EPG5: variants seen among roughly 807,000 people sequenced by gnomAD.
EPG5 encodes ectopic P granules protein 5 homolog.
In EPG5, 159 loss-of-function variants were observed where a neutral mutation model predicts 302.7. The ratio of observed to expected loss-of-function variants is 0.53; its 90% CI spans 0.46 to 0.60. The LOEUF (loss-of-function observed/expected upper bound fraction) is 0.60. EPG5 is among the 20% of genes least tolerant of loss of function. EPG5 has a pLI of 0.00. For synonymous variants in EPG5, 1,158 were observed against 1,136.8 expected, an observed-to-expected ratio of 1.02 and a Z score of -0.37; for missense variants, 2,896 against 3,092.4, an observed-to-expected ratio of 0.94 and a Z score of 1.51.
chr18:45,899,476 C>G lies in EPG5; in HGVS notation c.4737G>C (p.Gln1579His). Residue 1579 changes from glutamine to histidine, a missense_variant, in exon 27 of 44, where the codon CAG (glutamine) becomes CAC (histidine). By Grantham distance (24) the Gln-to-His change is conservative (BLOSUM62 0). Transcript: ENST00000282041. ...MPKQYVNREEQTTLHLECRGS... is the reference protein window; with the variant it reads ...MPKQYVNREEHTTLHLECRGS... ...CTCTGCACTCCAAATGTAGTGTGGT[C>G]TGTTCTTCACGATTCACATACTGCT... is the stretch of plus-strand genomic sequence containing the variant. 1 of 1,614,208 alleles carries G rather than the reference C, an allele frequency of 6.2e-7. No individual in the cohort carries two copies. Among genetic ancestry groups the G allele is most frequent in the Non-Finnish European group, 8.5e-7 (1 of 1,180,054 alleles).
chr18:45,877,910 G>A (rs2049007659), intron 34 of EPG5, among the ~76,000 whole-genome samples: 1 of 152,132 alleles, frequency 6.6e-6, no homozygotes, highest in South Asian at 2.1e-4. Flanking sequence ...CACTGAATTT[G>A]GACAGCTCTA....
At chr18:45,835,832 G>C in the EPG5 span, among the ~76,000 whole-genome samples, 46 of 152,254 alleles carry the variant, frequency 3.0e-4, no homozygotes, top group Middle Eastern at 3.4e-3. Flanking sequence ...GGAGCCCCCA[G>C]GCTCAGGACA....
At chr18:45,893,408 T>TC (rs2049395043) in intron 27 of EPG5, among the ~76,000 whole-genome samples, 1 of 151,926 alleles carries the variant, frequency 6.6e-6, no homozygotes, top group Non-Finnish European at 1.5e-5. Flanking sequence ...CTACTAAAAA[T>TC]ACAAAAATTA....
At chr18:45,827,468 C>T in the EPG5 span, among the ~76,000 whole-genome samples, 1 of 152,216 alleles carries the variant, frequency 6.6e-6, no homozygotes, top group East Asian at 1.9e-4. Flanking sequence ...TTGGGTCCCA[C>T]TGAGACAGTG....
At chr18:45,838,039 A>G in the EPG5 span, 1 of 1,095,812 alleles carries the variant, frequency 9.1e-7, no homozygotes, top group African/African-American at 1.7e-5. Context: ...CAGGGATCTC[A>G]CACCTGGGGG....
At chr18:45,929,243 T>C (rs1302506826) in intron 12 of EPG5, among the ~76,000 whole-genome samples, 1 of 152,186 alleles carries the variant, frequency 6.6e-6, no homozygotes, top group African/African-American at 2.4e-5. Context: ...ACTTCAAGTG[T>C]GGATTCAAAA....
the EPG5 span, among the ~76,000 whole-genome samples, chr18:45,806,542 C>T: frequency 6.6e-6 from 1 of 152,284 alleles, no homozygotes; most frequent in African/African-American, 2.4e-5. Context: ...GGGAAAGGGA[C>T]ATTGTCTGCC....
At chr18:45,813,086 C>A in the EPG5 span, among the ~76,000 whole-genome samples, 1 of 151,752 alleles carries the variant, frequency 6.6e-6, no homozygotes, top group African/African-American at 2.4e-5. Context: ...AAAAACAACC[C>A]CATCAAAAAG....
At chr18:45,911,484 G>A (rs1453313328) in intron 22 of EPG5, among the ~76,000 whole-genome samples, 1 of 151,924 alleles carries the variant, frequency 6.6e-6, no homozygotes, top group African/African-American at 2.4e-5. Context: ...AGTAGAGACG[G>A]GGTTTCACCA....
At chr18:45,960,584 AAG>A (rs1384087552) in intron 1 of EPG5, among the ~76,000 whole-genome samples, 8 of 152,316 alleles carry the variant, frequency 5.3e-5, no homozygotes, top group Non-Finnish European at 1.2e-4. Flanking sequence ...ATTTTACAAA[AAG>A]AGTTGATAAA....
At chr18:45,927,593 T>TACACACACACAC (rs67488772) in intron 13 of EPG5, among the ~76,000 whole-genome samples, 47 of 133,502 alleles carry the variant, frequency 3.5e-4, no homozygotes, top group Admixed American at 1.2e-3. Flanking sequence ...CAAAAAGTTA[T>TACACACACACAC]ACACACACAC....
In EPG5 at chr18:45,954,399, C is replaced by A; in HGVS notation, c.1003G>T (p.Val335Leu). Residue 335 changes from valine (V) to leucine (L), a missense_variant, in exon 2 of 44, where the codon GTA becomes TTA. Physicochemically the swap from Val to Leu is conservative, Grantham distance 32. Coordinates refer to ENST00000282041, the MANE Select transcript of EPG5 (RefSeq NM_020964.3). ...CAGGCTTCTGATCAAAATACCTGTACAGACATTTGTTCCTCCTTAAACTGC... is the reference window on the plus strand; with the variant it reads ...CAGGCTTCTGATCAAAATACCTGTAAAGACATTTGTTCCTCCTTAAACTGC... ...LWQFKEEQMS[V>L]QGICADQVKV... The A allele has an allele frequency of 6.2e-7, 1 of 1,602,388 alleles. No homozygotes were observed.
intron 7 of EPG5, among the ~76,000 whole-genome samples, chr18:45,944,574 G>T (rs1421222199): frequency 1.3e-5 from 2 of 152,124 alleles, no homozygotes; most frequent in African/African-American, 2.4e-5. Flanking sequence ...GGGCAACATG[G>T]TGAAACCCCA....
chr18:45,919,306 C>T (rs1480875584), intron 16 of EPG5, among the ~76,000 whole-genome samples: 1 of 152,158 alleles, frequency 6.6e-6, no homozygotes, highest in Non-Finnish European at 1.5e-5. Flanking sequence ...AGGAAATGCT[C>T]ATTCTCACTC....
chr18:45,830,586 T>TTTTC, the EPG5 span, among the ~76,000 whole-genome samples: 1 of 126,038 alleles, frequency 7.9e-6, no homozygotes, highest in African/African-American at 3.0e-5. Context: ...TTTCTTTCTT[T>TTTTC]TTTTTTTTTT....
chr18:45,860,388 G>A, intron 39 of EPG5, 42 bp from the exon 40 acceptor site: 10 of 1,613,252 alleles, frequency 6.2e-6, no homozygotes, highest in Non-Finnish European at 7.6e-6. Context: ...CTGCCAGAAA[G>A]GTACTATCCA....
At chr18:45,867,487 G>GA (rs1445729674) in intron 37 of EPG5, 76 bp downstream of exon 37, 27 of 1,241,198 alleles carry the variant, frequency 2.2e-5, no homozygotes, top group African/African-American at 3.0e-5. Context: ...AAAAACAAAT[G>GA]AAAAACTACG....
In EPG5 at chr18:45,939,740, A is replaced by G. The variant is rs2050620885; in HGVS notation, c.1959T>C (p.Tyr653=). 6.2e-7 allele frequency: 1 copy of G among 1,613,834 alleles called. No homozygotes were observed. Among genetic ancestry groups the G allele is most frequent in the East Asian group, 2.2e-5 (1 of 44,882 alleles). The part of the protein sequence containing the change: ...IGYMIRMTLG[Y]VSDHWAQYVS... ...CATACTGTGCCCAATGGTCACTTAC[A>G]TAACCAAGAGTCATCCTGAGCATGA... is the stretch of plus-strand genomic sequence containing the variant. The change falls in exon 10 of 44, where the codon TAT becomes TAC. Residue 653 remains tyrosine, a synonymous_variant. Transcript: ENST00000282041.
chr18:45,865,637 A>G lies in EPG5; in HGVS notation c.6744T>C (p.Asp2248=), dbSNP rs774538530. Residue 2248 remains aspartate (D), a synonymous_variant, in exon 39 of 44, where the codon GAT becomes GAC. Coordinates refer to ENST00000282041, the MANE Select transcript of EPG5 (RefSeq NM_020964.3). ...TACCGGGCGGGTTAAAGACAATGAT[A>G]TCGTCTAAGAGCTTAGACATTTCCT... ...LEQEMSKLLD[D]IIVFNPPDMD... 3.7e-6 allele frequency: 6 copies of G among 1,614,138 alleles called. No homozygotes were observed. The highest frequency in any genetic ancestry group is 2.2e-5 in the East Asian group (1 of 44,884).
Sources: allele counts gnomAD v4.1 joint callset (sites outside exome capture counted in the v4.1 genomes callset), GRCh38; gene constraint gnomAD v4.1.1; transcripts MANE v1.5; gene names NCBI Gene and HGNC (gene_info 2026-07-23, HGNC 2026-07-21).